MBP: variants seen among roughly 807,000 people sequenced by gnomAD.
MBP encodes the protein myelin basic protein, also known as Golli-MBP.
Under a neutral mutation model 35.8 loss-of-function variants are expected in MBP, and 16 were observed. That is an observed-to-expected ratio of 0.45 (90% CI 0.30 to 0.68). MBP has a LOEUF of 0.68. Ranked by LOEUF, MBP falls within the 30% of genes least tolerant of loss-of-function variation. The pLI, the probability that MBP is intolerant of heterozygous loss-of-function variation, is 0.08. For missense variants in MBP, 380 were observed against 404.7 expected, an observed-to-expected ratio of 0.94 and a Z score of 0.52; for synonymous variants, 143 against 159.6, an observed-to-expected ratio of 0.90 and a Z score of 0.78.
intron 7 of MBP, chr18:76,987,829 G>T (rs1359170506): frequency 2.9e-6 from 3 of 1,041,602 alleles, no homozygotes; most frequent in Admixed American, 1.0e-4. Context: ...TTTTAATTTG[G>T]CTCAGACACC....
At chr18:76,984,339 G>A (rs771583050) in intron 8 of MBP, 4 of 181,938 alleles carry the variant, frequency 2.2e-5, no homozygotes, top group Non-Finnish European at 3.5e-5. Context: ...CTCATGAGCC[G>A]ACGGGACACT....
intron 4 of MBP, among the ~76,000 whole-genome samples, chr18:76,996,748 C>A (rs56074629): frequency 0.098 from 14,951 of 151,912 alleles, 777 homozygotes; most frequent in Middle Eastern, 0.15. Flanking sequence ...GGGAGGGGGA[C>A]GTGGGAGGAT....
intron 3 of MBP, among the ~76,000 whole-genome samples, chr18:77,053,333 C>T (rs1973584206): frequency 6.6e-6 from 1 of 152,268 alleles, no homozygotes; most frequent in Admixed American, 6.5e-5. Flanking sequence ...TTTGCACACT[C>T]AGCTGGGTCG....
chr18:77,131,034 AAAAAAAACAAAACCTC>A lies in MBP; in HGVS notation c.-26+1530_-26+1545del, dbSNP rs1205812015. Among the ~76,000 whole-genome samples the A allele has an allele frequency of 1.1e-4, 16 of 149,284 alleles. No homozygotes were observed. In the South Asian group the frequency reaches 1.3e-3, roughly 12 times the overall value. ...ATTTCTGTTTTTCCCACAAAAAAAA[AAAAAAAACAAAACCTC>A]AAAAAACAAAACACACACACGCGCG... On this transcript the variant is annotated intron_variant, in intron 1 of 8. Coordinates refer to ENST00000355994, the MANE Select transcript of MBP (RefSeq NM_001025101.2). This position sits in a 1 kb window ranked among gnomAD's most constrained non-coding sequence, Gnocchi z 5.5.
Position 77,081,786 on chromosome 18 carries a change from A to ACGCATATATATATG in MBP, c.52-15402_52-15401insCATATATATATGCG, listed in dbSNP as rs1568329872. ...TATATATACACACACACACACACAC[A>ACGCATATATATATG]CACACACGTATATATATATGCACAC... On this transcript the variant is annotated intron_variant, in intron 2 of 8. Coordinates refer to ENST00000355994, the MANE Select transcript of MBP (RefSeq NM_001025101.2). Among the ~76,000 whole-genome samples the ACGCATATATATATG allele has an allele frequency of 8.6e-3, 1,276 of 148,486 alleles. 24 individuals are homozygous for ACGCATATATATATG. Among genetic ancestry groups the ACGCATATATATATG allele is most frequent in the African/African-American group, 0.03 (1,211 of 39,778 alleles).
rs781215967 is a variant in MBP, at chr18:76,988,521, C to T, written c.724G>A (p.Gly242Arg). ...CAGCTAAATCTGCTCAGGGACAGTC[C>T]TCTCCCCTGCATGAGGAAGACAGAG... ...TPPPSQGKGR[G>R]LSLSRFSWGA... The change falls in exon 7 of 9, where the codon GGA becomes AGA. Residue 242 changes from glycine (G) to arginine (R), a missense_variant. Transcript: ENST00000355994. The surrounding 1 kb of genome is among the most constrained non-coding windows in gnomAD (Gnocchi z 5.2). 6.2e-7 allele frequency: 1 copy of T among 1,612,932 alleles called. No individual in the cohort carries two copies. Among genetic ancestry groups the T allele is most frequent in the Non-Finnish European group, 8.5e-7 (1 of 1,179,018 alleles).
chr18:77,061,647 T>G (rs1279335939), intron 3 of MBP, among the ~76,000 whole-genome samples: 2 of 152,338 alleles, frequency 1.3e-5, no homozygotes, highest in African/African-American at 4.8e-5. Flanking sequence ...GGCGGCTCCC[T>G]GCAGCCATTG....
chr18:77,106,193 T>A (rs540458020), intron 1 of MBP, among the ~76,000 whole-genome samples: 3 of 152,332 alleles, frequency 2.0e-5, no homozygotes, highest in Admixed American at 2.0e-4. Context: ...GGGAACAAGA[T>A]GAACTGTCTT....
In MBP at chr18:77,057,824, G is replaced by GTTTTT. The variant is rs780881071; in HGVS notation, c.139+8469_139+8473dup. Among the ~76,000 whole-genome samples the GTTTTT allele has an allele frequency of 5.4e-4, 5 of 9,196 alleles. 2 individuals are homozygous for GTTTTT. Among genetic ancestry groups the GTTTTT allele is most frequent in the African/African-American group, 4.1e-3 (5 of 1,206 alleles). 6.0% of individuals were successfully genotyped at this position (9,196 alleles called of 152,430 possible). A position where few individuals can be genotyped will look rare whatever the true frequency, so the allele number is the denominator to read the frequency against. On this transcript the variant is annotated intron_variant, in intron 3 of 8. Coordinates refer to ENST00000355994, the MANE Select transcript of MBP (RefSeq NM_001025101.2). ...GGGACACCTGAGGAAGGCGGGGAGT[G>GTTTTT]TTTTTTTTTTTTTTTTTTTTGAGAC... is the stretch of plus-strand genomic sequence containing the variant.
At chr18:77,028,851 T>G (rs1283224491) in intron 3 of MBP, among the ~76,000 whole-genome samples, 4 of 66,772 alleles carry the variant, frequency 6.0e-5, no homozygotes, top group Non-Finnish European at 9.5e-5. Flanking sequence ...ACTTCCCAGA[T>G]GTGATGGCGG....
intron 2 of MBP, among the ~76,000 whole-genome samples, chr18:77,092,393 C>T (rs1008727821): frequency 5.3e-5 from 8 of 152,140 alleles, no homozygotes; most frequent in Non-Finnish European, 1.2e-4. Context: ...GTCATGGCCA[C>T]ACAGGCAGGG....
At position 77,044,111 on chromosome 18, in the gene MBP, C is replaced by T. The variant is rs1973122850; in HGVS notation, c.139+22187G>A. On this transcript the variant is annotated intron_variant, in intron 3 of 8. Transcript: ENST00000355994. The surrounding 1 kb of genome is among the most constrained non-coding windows in gnomAD (Gnocchi z 4.4). ...TCCTGCTGACCACCTCCCCCGATGC[C>T]CTCCACGCTGCACACTGGGCTGGTC... is the stretch of plus-strand genomic sequence containing the variant. 6.6e-6 allele frequency among the ~76,000 whole-genome samples: 1 copy of T among 152,070 alleles called. No individual in the cohort carries two copies. Among genetic ancestry groups the T allele is most frequent in the African/African-American group, 2.4e-5 (1 of 41,390 alleles).
intron 3 of MBP, among the ~76,000 whole-genome samples, chr18:77,025,243 CT>C (rs1194354326): frequency 6.6e-6 from 1 of 152,200 alleles, no homozygotes; most frequent in Non-Finnish European, 1.5e-5. Flanking sequence ...TGCAGCCAGG[CT>C]TTTCCTCTCA....
chr18:77,097,667 G>A (rs1975816483), intron 2 of MBP, among the ~76,000 whole-genome samples: 4 of 152,222 alleles, frequency 2.6e-5, no homozygotes, highest in Admixed American at 2.6e-4. Context: ...TCAGTGGGAT[G>A]TGTTAGGAGC....
At chr18:77,013,803 G>C in intron 4 of MBP, 3 of 985,442 alleles carry the variant, frequency 3.0e-6, no homozygotes, top group Non-Finnish European at 3.6e-6. Flanking sequence ...AACTATCCAA[G>C]TGGCACATCA....
chr18:77,084,420 GCCACA>G (rs1356376733), intron 2 of MBP, among the ~76,000 whole-genome samples: 789 of 29,212 alleles, frequency 0.027, 27 homozygotes, highest in South Asian at 0.13. Flanking sequence ...CGCCCCCCCC[GCCACA>G]CCACACCACA....
intron 2 of MBP, among the ~76,000 whole-genome samples, chr18:77,082,353 C>T (rs933473269): frequency 5.3e-5 from 8 of 152,142 alleles, no homozygotes; most frequent in African/African-American, 1.7e-4. Context: ...CGCAAAAACC[C>T]GCCTTTTCAT....
intron 1 of MBP, chr18:77,127,908 G>C (rs1277010824): frequency 6.6e-6 from 1 of 152,134 alleles, no homozygotes; most frequent in Non-Finnish European, 1.5e-5. Context: ...AGGCTGGGAA[G>C]GTCCTGAATC....
intron 1 of MBP, among the ~76,000 whole-genome samples, chr18:77,125,093 AT>A (rs1977008629): frequency 6.6e-6 from 1 of 152,188 alleles, no homozygotes; most frequent in African/African-American, 2.4e-5. Flanking sequence ...ACTTGAACAA[AT>A]GACAACGAAG....
Sources: allele counts gnomAD v4.1 joint callset (sites outside exome capture counted in the v4.1 genomes callset), GRCh38; gene constraint gnomAD v4.1.1; non-coding constraint Gnocchi (gnomAD v3.1); transcripts MANE v1.5; gene names NCBI Gene and HGNC (gene_info 2026-07-23, HGNC 2026-07-21).